The following CTIF variants were observed in gnomAD, a reference collection of about 807,000 sequenced individuals.
CTIF encodes CBP80/20-dependent translation initiation factor.
In CTIF, 21 loss-of-function variants were observed where a neutral mutation model predicts 66.0. The observed-to-expected ratio is 0.32, with a 90% CI of 0.23 to 0.46. CTIF has a LOEUF of 0.46. Ranked by LOEUF, CTIF falls within the 20% of genes least tolerant of loss-of-function variation. CTIF has a pLI of 1.00. For synonymous variants in CTIF, 345 were observed against 326.4 expected (o/e 1.06, Z -0.62); for missense variants, 739 against 812.7 (o/e 0.91, Z 1.10).
intron 2 of CTIF, among the ~76,000 whole-genome samples, chr18:48,632,682 GT>G (rs1267257779): frequency 1.3e-5 from 2 of 152,136 alleles, no homozygotes; most frequent in African/African-American, 4.8e-5. Context: ...TACTGAGCCT[GT>G]TGCCCCTCTT....
At chr18:48,747,033 C>T (rs73429483) in intron 7 of CTIF, among the ~76,000 whole-genome samples, 1,788 of 152,144 alleles carry the variant, frequency 0.012, 28 homozygotes, top group African/African-American at 0.041. Flanking sequence ...TTAAGATCCC[C>T]AAGGGCGGGA....
chr18:48,718,985 C>G (rs879841822), intron 7 of CTIF, among the ~76,000 whole-genome samples: 1 of 152,180 alleles, frequency 6.6e-6, no homozygotes, highest in African/African-American at 2.4e-5. Flanking sequence ...GGGCTGGTAC[C>G]TGTTCTCTTG....
chr18:48,585,683 A>C (rs753746616), intron 1 of CTIF, among the ~76,000 whole-genome samples: 1 of 152,196 alleles, frequency 6.6e-6, no homozygotes, highest in Non-Finnish European at 1.5e-5. Flanking sequence ...TTTTCATCCC[A>C]TCCCTAGGAG....
intron 7 of CTIF, among the ~76,000 whole-genome samples, chr18:48,735,593 A>G (rs1272686211): frequency 1.2e-4 from 18 of 152,148 alleles, no homozygotes; most frequent in African/African-American, 3.9e-4. Flanking sequence ...AGAGGGAAGG[A>G]GGTGAGGACA....
At chr18:48,843,849 A>C (rs1480547422) in intron 10 of CTIF, among the ~76,000 whole-genome samples, 4 of 152,128 alleles carry the variant, frequency 2.6e-5, no homozygotes, top group Admixed American at 2.0e-4. Flanking sequence ...ACTGGGGAGC[A>C]GGAGTGAAGC....
chr18:48,561,394 T>C (rs1201419147), intron 1 of CTIF, among the ~76,000 whole-genome samples: 2 of 152,218 alleles, frequency 1.3e-5, no homozygotes, highest in South Asian at 2.1e-4. Flanking sequence ...CCTGGGCATA[T>C]AGTGGAGCTT....
chr18:48,849,191 C>CTTTTTTT (rs892473113), intron 10 of CTIF, among the ~76,000 whole-genome samples: 8 of 98,986 alleles, frequency 8.1e-5, no homozygotes, highest in African/African-American at 1.8e-4. Flanking sequence ...CTACCAATGC[C>CTTTTTTT]TTTTTTTTTT....
chr18:48,706,089 G>A (rs1035579418), intron 6 of CTIF, among the ~76,000 whole-genome samples: 3 of 152,244 alleles, frequency 2.0e-5, no homozygotes. Context: ...GTAGATGGAC[G>A]TCAAGTGTTA....
intron 2 of CTIF, among the ~76,000 whole-genome samples, chr18:48,626,019 T>TTTTTTA (rs2090588712): frequency 6.9e-6 from 1 of 144,832 alleles, no homozygotes; most frequent in African/African-American, 2.6e-5. Context: ...TTTTTTTTTT[T>TTTTTTA]GAGATGGAGT....
intron 9 of CTIF, among the ~76,000 whole-genome samples, chr18:48,779,480 C>T (rs1171661743): frequency 6.6e-6 from 1 of 152,170 alleles, no homozygotes; most frequent in Non-Finnish European, 1.5e-5. Context: ...GTCAGGAGTG[C>T]ATCTGGAGGG....
In CTIF at chr18:48,827,100, C is replaced by T. The variant is rs191131041; in HGVS notation, c.1527+9724C>T. Among the ~76,000 whole-genome samples, 458 of 152,160 alleles carry T rather than the reference C, an allele frequency of 3.0e-3. 4 individuals carry two copies. The highest frequency in any genetic ancestry group is 0.026 in the South Asian group (126 of 4,816). On this transcript the variant is annotated intron_variant, in intron 10 of 11. Transcript: ENST00000256413. Reference sequence around the variant, plus strand: ...TAAAGAGAGGGCCCGATGAGCGAGCCGTGGCCAGCTCCGGCTCTCACCAGA... The same window carrying T: ...TAAAGAGAGGGCCCGATGAGCGAGCTGTGGCCAGCTCCGGCTCTCACCAGA...
At chr18:48,554,982 G>C (rs1266810009) in intron 1 of CTIF, among the ~76,000 whole-genome samples, 3 of 152,214 alleles carry the variant, frequency 2.0e-5, no homozygotes, top group South Asian at 2.1e-4. Context: ...GGGTGACCAA[G>C]TATTCAGAGT....
At chr18:48,725,567 T>C (rs1011979845) in intron 7 of CTIF, among the ~76,000 whole-genome samples, 2 of 152,002 alleles carry the variant, frequency 1.3e-5, no homozygotes, top group African/African-American at 4.8e-5. Flanking sequence ...GCTCCCACCT[T>C]CCTCTACTCT....
chr18:48,604,099 C>T (rs963854019), intron 1 of CTIF, among the ~76,000 whole-genome samples: 3 of 151,342 alleles, frequency 2.0e-5, no homozygotes, highest in Non-Finnish European at 4.4e-5. Flanking sequence ...CCACCTCGGC[C>T]TCCCAAAGTG....
chr18:48,824,263 T>C (rs758522228), intron 10 of CTIF, among the ~76,000 whole-genome samples: 4 of 152,160 alleles, frequency 2.6e-5, no homozygotes, highest in Non-Finnish European at 4.4e-5. Context: ...CCATGAGCAT[T>C]TTATAATAGC....
intron 1 of CTIF, among the ~76,000 whole-genome samples, chr18:48,550,630 C>T (rs1391262259): frequency 1.3e-5 from 2 of 152,184 alleles, no homozygotes; most frequent in African/African-American, 4.8e-5. Flanking sequence ...TCCCCCTCTT[C>T]CCACAGCACA....
Position 48,779,886 on chromosome 18 carries a change from C to T in CTIF, c.1371+18197C>T, listed in dbSNP as rs1301814894. 2.6e-5 allele frequency among the ~76,000 whole-genome samples: 4 copies of T among 152,172 alleles called. No homozygotes were observed. In the South Asian group the frequency reaches 6.2e-4, roughly 24 times the overall value. On this transcript the variant is annotated intron_variant, in intron 9 of 11. Transcript: ENST00000256413. ...TATGTTTTGCTTCCACTTGGCAGCC[C>T]TAGGTGCTGGAGGCTGCAGCTCTGG...
intron 1 of CTIF, among the ~76,000 whole-genome samples, chr18:48,547,377 C>T (rs2088776129): frequency 6.6e-6 from 1 of 152,174 alleles, no homozygotes; most frequent in Non-Finnish European, 1.5e-5. Context: ...TGCTACTGGT[C>T]CTCTAGACTG....
At chr18:48,604,168 G>GTTTTTTTTTTTTT (rs34544217) in intron 1 of CTIF, among the ~76,000 whole-genome samples, 1 of 63,264 alleles carries the variant, frequency 1.6e-5, no homozygotes. Context: ...TTTTTTAAGG[G>GTTTTTTTTTTTTT]TTTTTTTTTT....
Sources: gnomAD v4.1 joint callset for allele counts (sites outside exome capture counted in the v4.1 genomes callset) on GRCh38, gnomAD v4.1.1 for gene constraint, MANE v1.5 for transcripts, NCBI Gene and HGNC (gene_info 2026-07-23, HGNC 2026-07-21) for gene names.